Variants in SEMA3A observed in about 807,000 individuals in gnomAD.
The protein encoded by SEMA3A is semaphorin 3A, also known as semaphorin-3A.
SEMA3A carries 29 observed loss-of-function variants against 97.9 expected under a neutral mutation model. The ratio of observed to expected loss-of-function variants is 0.30; its 90% confidence interval spans 0.22 to 0.40. The LOEUF is 0.40. Among genes scored for constraint, SEMA3A ranks in the 10% least tolerant of loss-of-function variants. The pLI is 1.00. For synonymous variants in SEMA3A, 321 were observed against 323.7 expected (o/e 0.99, Z 0.09); for missense variants, 763 against 951.3 (o/e 0.80, Z 2.60).
In SEMA3A at chr7:83,961,704, A is replaced by G; in HGVS notation, c.1983T>C (p.Leu661=). The G allele has an allele frequency of 6.2e-7, 1 of 1,613,654 alleles. No homozygotes were observed. The highest frequency in any genetic ancestry group is 8.5e-7 in the Non-Finnish European group (1 of 1,179,836). ...TGTCAATGACTTCCAGGGTTACCTT[A>G]AGAAGAGTTTGTATGAACCCATGTT... ...AVEHGFIQTL[L]KVTLEVIDTE... is the part of the protein sequence containing the mutation. Residue 661 remains leucine, a synonymous_variant, in exon 17 of 17, where the codon CTT becomes CTC. Transcript: ENST00000265362.
intron 4 of SEMA3A, among the ~76,000 whole-genome samples, chr7:84,076,000 G>T (rs1456436210): frequency 6.6e-6 from 1 of 152,100 alleles, no homozygotes; most frequent in Non-Finnish European, 1.5e-5. Flanking sequence ...TATCTTTGAA[G>T]TGTCAATATT....
chr7:84,407,397 TACAA>T (rs1804124818), intron 1 of SEMA3A, among the ~76,000 whole-genome samples: 1 of 151,996 alleles, frequency 6.6e-6, no homozygotes, highest in Admixed American at 6.6e-5. Context: ...TAAAAGAGGA[TACAA>T]ACAAATGGAA....
chr7:84,192,656 GC>G (rs1332682549), intron 1 of SEMA3A, among the ~76,000 whole-genome samples: 3 of 151,838 alleles, frequency 2.0e-5, no homozygotes, highest in Non-Finnish European at 4.4e-5. Context: ...AAGAACAAGT[GC>G]CTCCTCTATC....
intron 2 of SEMA3A, among the ~76,000 whole-genome samples, chr7:84,370,521 T>G (rs1476182080): frequency 2.6e-5 from 4 of 151,682 alleles, no homozygotes; most frequent in Admixed American, 1.3e-4. Context: ...CAAATACAAT[T>G]AAAAAGAAAA....
At chr7:84,352,745 C>G (rs1802467206) in intron 2 of SEMA3A, among the ~76,000 whole-genome samples, 1 of 151,682 alleles carries the variant, frequency 6.6e-6, no homozygotes, top group Non-Finnish European at 1.5e-5. Context: ...GATACAGTTT[C>G]TTAACAATAT....
intron 11 of SEMA3A, among the ~76,000 whole-genome samples, chr7:84,003,345 A>C (rs1013113863): frequency 1.3e-5 from 2 of 152,136 alleles, no homozygotes; most frequent in Admixed American, 1.3e-4. Flanking sequence ...ACACAACTTT[A>C]TCTCTTTTCC....
At chr7:84,092,739 C>T (rs1330476148) in intron 4 of SEMA3A, among the ~76,000 whole-genome samples, 1 of 151,976 alleles carries the variant, frequency 6.6e-6, no homozygotes, top group East Asian at 1.9e-4. Context: ...TTTCTTATTT[C>T]CTCCTTCCCT....
chr7:83,985,060 T>A (rs2116328738), intron 13 of SEMA3A, among the ~76,000 whole-genome samples: 1 of 152,222 alleles, frequency 6.6e-6, no homozygotes, highest in South Asian at 2.1e-4. Context: ...AAATTTTTTT[T>A]ATATCCTGAA....
intron 15 of SEMA3A, among the ~76,000 whole-genome samples, chr7:83,974,886 G>GT (rs1437348353): frequency 2.0e-5 from 3 of 152,078 alleles, no homozygotes; most frequent in African/African-American, 7.2e-5. Context: ...AACATCTAGA[G>GT]TTGTTTACCA....
intron 14 of SEMA3A, among the ~76,000 whole-genome samples, chr7:83,978,830 T>C (rs901065637): frequency 6.6e-6 from 1 of 152,108 alleles, no homozygotes. Flanking sequence ...TCATGAGGCT[T>C]CTAAACATCC....
chr7:84,094,055 T>C (rs1794673962), intron 4 of SEMA3A, among the ~76,000 whole-genome samples: 1 of 152,128 alleles, frequency 6.6e-6, no homozygotes, highest in Non-Finnish European at 1.5e-5. Flanking sequence ...ACCATTTGCC[T>C]TTTTTGAAGT....
chr7:84,162,295 A>T (rs1325243156), intron 1 of SEMA3A, among the ~76,000 whole-genome samples: 1 of 152,154 alleles, frequency 6.6e-6, no homozygotes, highest in East Asian at 1.9e-4. Context: ...AGCAGAGTTG[A>T]TCCTGTGTGT....
chr7:84,361,979 T>C (rs1359978483), intron 2 of SEMA3A, among the ~76,000 whole-genome samples: 1 of 151,994 alleles, frequency 6.6e-6, no homozygotes, highest in African/African-American at 2.4e-5. Flanking sequence ...CAGTTGTTTT[T>C]CTTTGGTTTT....
chr7:83,961,512 A>G lies in SEMA3A; in HGVS notation c.2175T>C (p.Val725=). 1 of 1,613,998 alleles carries G rather than the reference A, an allele frequency of 6.2e-7. No homozygotes were observed. Among genetic ancestry groups the G allele is most frequent in the Non-Finnish European group, 8.5e-7 (1 of 1,179,950 alleles). ...LNTMDEFCEQ[V]WKRDRKQRRQ... Reference sequence around the variant, plus strand: ...GACGTTGTTTTCGGTCCCTTTTCCAAACTTGTTCACAGAACTCATCCATTG... The same window carrying G: ...GACGTTGTTTTCGGTCCCTTTTCCAGACTTGTTCACAGAACTCATCCATTG... The change falls in exon 17 of 17, where the codon GTT becomes GTC. Residue 725 remains valine, a synonymous_variant. Transcript: ENST00000265362.
intron 3 of SEMA3A, among the ~76,000 whole-genome samples, chr7:84,252,659 A>C: frequency 6.6e-6 from 1 of 152,364 alleles, no homozygotes; most frequent in South Asian, 2.1e-4. Flanking sequence ...GGATGACATG[A>C]ATATTAAAAG....
intron 1 of SEMA3A, among the ~76,000 whole-genome samples, chr7:84,379,280 T>G (rs190019223): frequency 7.2e-4 from 110 of 152,276 alleles, no homozygotes; most frequent in Non-Finnish European, 2.6e-4. Context: ...GAGGAAGCCT[T>G]AAGTTTTTTC....
chr7:84,135,574 A>C (rs181538713), intron 1 of SEMA3A, among the ~76,000 whole-genome samples: 4 of 152,334 alleles, frequency 2.6e-5, no homozygotes, highest in Admixed American at 6.5e-5. Flanking sequence ...ATTGTGTATA[A>C]ATGTATTTAA....
intron 2 of SEMA3A, among the ~76,000 whole-genome samples, chr7:84,342,015 T>A (rs185007998): frequency 6.6e-6 from 1 of 152,052 alleles, no homozygotes; most frequent in Non-Finnish European, 1.5e-5. Flanking sequence ...AATTATCAAG[T>A]CAGATTCGTT....
At chr7:84,138,828 G>C (rs1402993077) in intron 1 of SEMA3A, among the ~76,000 whole-genome samples, 1 of 152,040 alleles carries the variant, frequency 6.6e-6, no homozygotes, top group Non-Finnish European at 1.5e-5. Context: ...GGATTGCTTA[G>C]GTTATATCAC....
Sources: allele counts gnomAD v4.1 joint callset (sites outside exome capture counted in the v4.1 genomes callset), GRCh38; gene constraint gnomAD v4.1.1; transcripts MANE v1.5; gene names NCBI Gene and HGNC (gene_info 2026-07-23, HGNC 2026-07-21).